The following CRACR2A variants were observed in gnomAD, a reference collection of about 807,000 sequenced individuals.
CRACR2A encodes calcium release activated channel regulator 2A, also known as EF-hand calcium-binding domain-containing protein 4B.
A neutral mutation model predicts 90.5 loss-of-function variants in CRACR2A; 79 were observed. The observed-to-expected ratio is 0.87, with a 90% CI of 0.73 to 1.05. The LOEUF is 1.05. Among genes scored for constraint, CRACR2A ranks in the 50% least tolerant of loss-of-function variants. The probability of loss-of-function intolerance (pLI) is 0.00; values close to 1 mark genes in which losing one functional copy is unlikely to be tolerated. For missense variants in CRACR2A, 823 were observed against 897.2 expected (o/e 0.92, Z 1.06); for synonymous variants, 338 against 356.7 (o/e 0.95, Z 0.59).
chr12:3,640,887 C>T, intron 13 of CRACR2A: 1 of 1,205,116 alleles, frequency 8.3e-7, no homozygotes, highest in South Asian at 1.4e-5. Flanking sequence ...CATGTGCTGC[C>T]CAAGAGCAAC....
rs548634992 is a variant in CRACR2A at position 3,633,082 on chromosome 12, G to A, written c.1735+522C>T. 1.3e-5 allele frequency among the ~76,000 whole-genome samples: 2 copies of A among 152,288 alleles called. No homozygotes were observed. Among genetic ancestry groups the A allele is most frequent in the South Asian group, 2.1e-4 (1 of 4,826 alleles). On this transcript the variant is annotated intron_variant, in intron 15 of 19. Transcript: ENST00000440314. This position sits in a 1 kb window ranked among gnomAD's most constrained non-coding sequence, Gnocchi z 4.5. ...GCTTCCACATTTAAGTCCAGCTGTC[G>A]CCCAGCAGGCTGGGGACTTAGGACA...
intron 10 of CRACR2A, among the ~76,000 whole-genome samples, chr12:3,651,453 T>A (rs1944793271): frequency 1.3e-5 from 2 of 152,220 alleles, no homozygotes; most frequent in Admixed American, 6.5e-5. Context: ...CTTTTGAATT[T>A]CCTGCCTTGT....
intron 1 of CRACR2A, among the ~76,000 whole-genome samples, chr12:3,738,440 T>C (rs933782435): frequency 3.3e-5 from 5 of 152,084 alleles, no homozygotes; most frequent in Non-Finnish European, 5.9e-5. Context: ...AACCAAGAAG[T>C]TTTGAAGAAT....
At chr12:3,655,992 TC>T (rs1944898264) in intron 9 of CRACR2A, among the ~76,000 whole-genome samples, 1 of 152,234 alleles carries the variant, frequency 6.6e-6, no homozygotes, top group African/African-American at 2.4e-5. Context: ...TCCCCTCTTT[TC>T]TTATACAGGA....
At chr12:3,692,545 G>A (rs1038204970) in intron 4 of CRACR2A, among the ~76,000 whole-genome samples, 1 of 152,060 alleles carries the variant, frequency 6.6e-6, no homozygotes, top group African/African-American at 2.4e-5. Context: ...GGTGCTTCTG[G>A]ACCATTGGTC....
At chr12:3,684,371 G>A (rs141278803) in intron 4 of CRACR2A, among the ~76,000 whole-genome samples, 2 of 152,200 alleles carry the variant, frequency 1.3e-5, no homozygotes, top group Non-Finnish European at 2.9e-5. Context: ...CTGATTACGT[G>A]GTATAGGCCA....
At chr12:3,629,375 G>A (rs1392119427) in intron 15 of CRACR2A, among the ~76,000 whole-genome samples, 1 of 152,068 alleles carries the variant, frequency 6.6e-6, no homozygotes, top group Admixed American at 6.5e-5. Context: ...TACAGTGGCT[G>A]GGAGGTGAAT....
intron 1 of CRACR2A, among the ~76,000 whole-genome samples, chr12:3,744,981 A>G (rs1212973786): frequency 6.6e-6 from 1 of 152,192 alleles, no homozygotes; most frequent in East Asian, 1.9e-4. Context: ...TGAAGATCCA[A>G]AAACAAACAA....
intron 17 of CRACR2A, among the ~76,000 whole-genome samples, chr12:3,620,256 GGTT>G (rs1240026956): frequency 6.6e-6 from 1 of 152,226 alleles, no homozygotes. Context: ...CATTGAAGAA[GGTT>G]GTTATTTTTA....
rs988126564 is a variant in CRACR2A at position 3,656,223 on chromosome 12, T to C, written c.858+88A>G. On this transcript the variant is annotated intron_variant, in intron 9 of 19. Transcript: ENST00000440314. ...CTCAGGTTAAAAACTCAAAAGTCCT[T>C]AAGTGAATGGCAGGGAAAGTGGGCA... is the stretch of plus-strand genomic sequence containing the variant. The C allele has an allele frequency of 2.0e-5, 26 of 1,318,282 alleles. 1 individual carries two copies. The South Asian group carries it at 3.1e-4, about 16-fold the overall frequency. 81.7% of individuals were successfully genotyped at this position (1,318,282 alleles called of 1,614,324 possible).
intron 17 of CRACR2A, among the ~76,000 whole-genome samples, chr12:3,625,438 G>T (rs967680735): frequency 1.3e-5 from 2 of 151,570 alleles, no homozygotes; most frequent in African/African-American, 4.9e-5. Flanking sequence ...ACAGCAGAGA[G>T]CGTAGTTCCC....
chr12:3,625,465 C>A (rs1944238826), intron 17 of CRACR2A, among the ~76,000 whole-genome samples: 1 of 151,462 alleles, frequency 6.6e-6, no homozygotes, highest in Non-Finnish European at 1.5e-5. Flanking sequence ...TGTCACCATC[C>A]ATTCCCATTA....
intron 13 of CRACR2A, among the ~76,000 whole-genome samples, chr12:3,640,216 T>C (rs546759979): frequency 6.6e-6 from 1 of 152,346 alleles, no homozygotes; most frequent in South Asian, 2.1e-4. Flanking sequence ...GCAGCTACTT[T>C]TGTCAAAGTC....
chr12:3,658,847 A>G (rs182267201), intron 8 of CRACR2A, among the ~76,000 whole-genome samples: 1 of 152,006 alleles, frequency 6.6e-6, no homozygotes, highest in African/African-American at 2.4e-5. Context: ...TAGTTTTATG[A>G]ACATGTTTCC....
chr12:3,617,003 T>A lies in CRACR2A; in HGVS notation c.2062A>T (p.Ser688Cys), dbSNP rs1174319445. ...TENNLIFYECSAYSGHNTKES... is the reference protein window; with the variant it reads ...TENNLIFYECCAYSGHNTKES... The stretch of plus-strand genomic sequence containing the variant: ...TTGGTGTTGTGACCAGAGTAGGCGC[T>A]GCATTCATAGAAGATCAGATTGTTC... The change falls in exon 19 of 20, where the codon AGC becomes TGC. Residue 688 changes from serine to cysteine, a missense_variant. Coordinates refer to ENST00000440314, the MANE Select transcript of CRACR2A (RefSeq NM_001144958.2). The A allele has an allele frequency of 6.4e-7, 1 of 1,551,578 alleles. No individual in the cohort carries two copies. The highest frequency in any genetic ancestry group is 1.4e-5 in the African/African-American group (1 of 73,142).
At chr12:3,698,043 G>C (rs1420164876) in intron 3 of CRACR2A, among the ~76,000 whole-genome samples, 1 of 152,134 alleles carries the variant, frequency 6.6e-6, no homozygotes, top group African/African-American at 2.4e-5. Context: ...CACTGGACCT[G>C]TTTGTCTTTA....
chr12:3,631,443 C>T (rs141365882), intron 15 of CRACR2A, among the ~76,000 whole-genome samples: 2,706 of 152,258 alleles, frequency 0.018, 30 homozygotes, highest in Non-Finnish European at 0.027. Context: ...CCTGCCTCCC[C>T]CAGACCTGTG....
chr12:3,694,391 C>G (rs1185137438), intron 4 of CRACR2A, among the ~76,000 whole-genome samples: 1 of 152,228 alleles, frequency 6.6e-6, no homozygotes, highest in Admixed American at 6.5e-5. Context: ...TGTCAAGGAC[C>G]TTTCCTGCTT....
intron 2 of CRACR2A, among the ~76,000 whole-genome samples, chr12:3,718,990 A>G (rs1019597557): frequency 6.6e-6 from 1 of 152,240 alleles, no homozygotes; most frequent in Non-Finnish European, 1.5e-5. Flanking sequence ...GCTCCTTTCC[A>G]AAAACTTCAG....
Sources: allele counts gnomAD v4.1 joint callset (sites outside exome capture counted in the v4.1 genomes callset), GRCh38; gene constraint gnomAD v4.1.1; non-coding constraint Gnocchi (gnomAD v3.1); transcripts MANE v1.5; gene names NCBI Gene and HGNC (gene_info 2026-07-23, HGNC 2026-07-21).